The following CEP135 variants were observed in gnomAD, a reference collection of about 807,000 sequenced individuals.
The protein encoded by CEP135 is centrosomal protein 135.
In CEP135, 142 loss-of-function variants were observed where a neutral mutation model predicts 157.3. That is an observed-to-expected ratio of 0.90 (90% confidence interval 0.79 to 1.04). CEP135 has a LOEUF of 1.04. Ranked by LOEUF, CEP135 falls within the 50% of genes least tolerant of loss-of-function variation. CEP135 has a pLI of 0.00. For missense variants in CEP135, 1,317 were observed against 1,309.2 expected (o/e 1.01, Z -0.09); for synonymous variants, 396 against 439.8 (o/e 0.90, Z 1.25).
At chr4:55,964,710 G>A (rs1024314167) in intron 7 of CEP135, among the ~76,000 whole-genome samples, 2 of 151,880 alleles carry the variant, frequency 1.3e-5, no homozygotes, top group African/African-American at 4.8e-5. Flanking sequence ...ATATGGACTT[G>A]GAAAGAGAAA....
chr4:56,010,175 A>ACCCCCCCC (rs3036749), intron 19 of CEP135, among the ~76,000 whole-genome samples: 2 of 122,878 alleles, frequency 1.6e-5, no homozygotes, highest in Non-Finnish European at 3.6e-5. Context: ...CATTGTGAAA[A>ACCCCCCCC]CCCCCCCCCC....
chr4:55,985,282 A>G lies in CEP135; in HGVS notation c.1781A>G (p.His594Arg), dbSNP rs756133244. 1 of 1,538,244 alleles carries G rather than the reference A, an allele frequency of 6.5e-7. No homozygotes were observed. Among genetic ancestry groups the G allele is most frequent in the Non-Finnish European group, 9.0e-7 (1 of 1,114,688 alleles). The change falls in exon 14 of 26, where the codon CAT becomes CGT. Residue 594 changes from histidine to arginine, a missense_variant and splice_region_variant. Coordinates refer to ENST00000257287, the MANE Select transcript of CEP135 (RefSeq NM_025009.5). ...EKEALREKLE[H>R]IEEVSLFGKS... Reference sequence around the variant, plus strand: ...ATTTTCTTTAACATTCTTTTTCAGCATATTGAAGAAGTGAGTCTTTTTGGA... The same window carrying G: ...ATTTTCTTTAACATTCTTTTTCAGCGTATTGAAGAAGTGAGTCTTTTTGGA...
In CEP135 at chr4:56,009,856, A is replaced by G. The variant is rs748666352; in HGVS notation, c.2458A>G (p.Asn820Asp). 1.1e-5 allele frequency: 17 copies of G among 1,613,920 alleles called. No homozygotes were observed. The highest frequency in any genetic ancestry group is 1.6e-4 in the Middle Eastern group (1 of 6,084). The change falls in exon 19 of 26, where the codon AAC becomes GAC. Residue 820 changes from asparagine (N) to aspartate (D), a missense_variant. Asn to Asp is a conservative substitution (Grantham distance 23). Transcript: ENST00000257287. Reference protein sequence around the residue: ...GRSREIAFKENRRLQDDLATM... With the variant: ...GRSREIAFKEDRRLQDDLATM... ...ATCTAGAGAAATCGCTTTTAAGGAA[A>G]ACAGAAGACTGCAAGATGACCTGGC...
chr4:55,975,084 G>A lies in CEP135; in HGVS notation c.1473+115G>A, dbSNP rs779647483. 51 of 757,062 alleles carry A rather than the reference G, an allele frequency of 6.7e-5. No homozygotes were observed. The East Asian group carries it at 1.2e-3, about 18-fold the overall frequency. The allele number at this position is 757,062 out of a possible 1,614,324, so 46.9% of individuals were successfully genotyped here. A position where few individuals can be genotyped will look rare whatever the true frequency, so the allele number is the denominator to read the frequency against. ...ACTTGCTTTGAAAAATCCTGATTTT[G>A]ATTCTTGTTTTCTTTTATGGCCTGC... On this transcript the variant is annotated intron_variant, in intron 11 of 25. Transcript: ENST00000257287.
chr4:56,012,066 TA>T (rs1730606417), intron 21 of CEP135, 81 bp downstream of exon 21: 68 of 956,238 alleles, frequency 7.1e-5, no homozygotes, highest in Middle Eastern at 3.6e-4. Context: ...TTTATTTATT[TA>T]TTTTTTTTGA....
Position 55,981,230 on chromosome 4 carries a change from C to G in CEP135, c.1630C>G (p.Gln544Glu). 6.3e-7 allele frequency: 1 copy of G among 1,579,550 alleles called. No homozygotes were observed. Among genetic ancestry groups the G allele is most frequent in the Non-Finnish European group, 8.5e-7 (1 of 1,170,128 alleles). ...DKLSVLYNEA[Q>E]EELSALRKES... is the part of the protein sequence containing the mutation. ...TTATATCTTTTCATTCTTTAAGGCT[C>G]AGGAAGAATTATCTGCCCTAAGAAA... The change falls in exon 13 of 26, where the codon CAG (glutamine) becomes GAG (glutamate). Residue 544 changes from glutamine (Q) to glutamate (E), a missense_variant. Coordinates refer to ENST00000257287, the MANE Select transcript of CEP135 (RefSeq NM_025009.5).
At chr4:55,997,322 C>T (rs1329211536) in intron 15 of CEP135, among the ~76,000 whole-genome samples, 1 of 152,140 alleles carries the variant, frequency 6.6e-6, no homozygotes, top group African/African-American at 2.4e-5. Flanking sequence ...ACTTTTAGGG[C>T]CCACCTAAGG....
At chr4:56,024,102 T>C (rs1731072272) in intron 24 of CEP135, among the ~76,000 whole-genome samples, 1 of 144,444 alleles carries the variant, frequency 6.9e-6, no homozygotes, top group Non-Finnish European at 1.5e-5. Context: ...GTATTAGTTA[T>C]ATGGTATAGT....
intron 24 of CEP135, 136 bp from the exon 25 acceptor site, chr4:56,024,363 CAA>C (rs2109751850): frequency 1.9e-6 from 1 of 525,124 alleles, no homozygotes; most frequent in Admixed American, 3.4e-5. Context: ...AAAAATTGTA[CAA>C]AGACATAGGA....
intron 17 of CEP135, among the ~76,000 whole-genome samples, chr4:56,003,243 A>C (rs1377369865): frequency 6.6e-6 from 1 of 151,464 alleles, no homozygotes; most frequent in Non-Finnish European, 1.5e-5. Flanking sequence ...GGTGGAGTGC[A>C]GTGGCACGAT....
Position 55,992,035 on chromosome 4 carries a change from C to T in CEP135, c.1959C>T (p.Ser653=), listed in dbSNP as rs1376023541. 1.9e-6 allele frequency: 3 copies of T among 1,609,120 alleles called. No individual in the cohort carries two copies. The African/African-American group carries it at 4.0e-5, about 22-fold the overall frequency. Residue 653 remains serine (S), a synonymous_variant, in exon 15 of 26, where the codon AGC becomes AGT. Transcript: ENST00000257287. The stretch of plus-strand genomic sequence containing the variant: ...TAAAAGTCCAAGCTCAAAAATTTAG[C>T]CATGTGGCTGGTGACTCATCTCATC... ...NKLKVQAQKF[S]HVAGDSSHQK...
At chr4:55,950,605 C>G (rs1440372343) in intron 1 of CEP135, among the ~76,000 whole-genome samples, 1 of 150,400 alleles carries the variant, frequency 6.6e-6, no homozygotes, top group Non-Finnish European at 1.5e-5. Flanking sequence ...GGCCACATAG[C>G]AAGACCCTGT....
intron 17 of CEP135, among the ~76,000 whole-genome samples, chr4:56,001,105 G>T (rs1057443777): frequency 2.0e-5 from 3 of 152,002 alleles, no homozygotes; most frequent in African/African-American, 7.2e-5. Flanking sequence ...GGATTATTTG[G>T]AGTTTTTTTG....
intron 13 of CEP135, among the ~76,000 whole-genome samples, chr4:55,983,915 A>G (rs1268140479): frequency 6.6e-6 from 1 of 152,166 alleles, no homozygotes; most frequent in Non-Finnish European, 1.5e-5. Context: ...GCTATGAGTT[A>G]CAAGGAATCT....
At chr4:55,983,383 G>A (rs1305187607) in intron 13 of CEP135, among the ~76,000 whole-genome samples, 3 of 152,212 alleles carry the variant, frequency 2.0e-5, no homozygotes, top group Non-Finnish European at 2.9e-5. Flanking sequence ...ACTTAAAAGT[G>A]TAACTAATCT....
chr4:55,997,910 T>C (rs1392306299), intron 15 of CEP135, among the ~76,000 whole-genome samples: 2 of 152,190 alleles, frequency 1.3e-5, no homozygotes, highest in Non-Finnish European at 2.9e-5. Context: ...GGAAGTAAGA[T>C]TGCTTGAACC....
chr4:56,024,393 T>TA, intron 24 of CEP135, 108 bp from the exon 25 acceptor site: 1 of 691,988 alleles, frequency 1.4e-6, no homozygotes, highest in Non-Finnish European at 2.5e-6. Context: ...TTAATAGTAA[T>TA]ACTAAGTAAT....
At chr4:55,957,094 G>T in intron 4 of CEP135, 129 bp from the exon 5 acceptor site, 1 of 926,266 alleles carries the variant, frequency 1.1e-6, no homozygotes, top group Non-Finnish European at 1.6e-6. Flanking sequence ...TATTGATGGA[G>T]AAAATATTTT....
intron 14 of CEP135, among the ~76,000 whole-genome samples, chr4:55,987,810 G>A (rs529676121): frequency 1.3e-5 from 2 of 152,258 alleles, no homozygotes; most frequent in African/African-American, 2.4e-5. Context: ...TTGGAGAATA[G>A]CCTGAGAAGA....
Sources: gnomAD v4.1 joint callset for allele counts (sites outside exome capture counted in the v4.1 genomes callset) on GRCh38, gnomAD v4.1.1 for gene constraint, MANE v1.5 for transcripts, NCBI Gene and HGNC (gene_info 2026-07-23, HGNC 2026-07-21) for gene names.